Variants in RASSF5 observed in about 807,000 individuals in gnomAD.
RASSF5 encodes the protein Ras association domain family member 5, also known as ras association domain-containing protein 5.
A neutral mutation model predicts 40.5 loss-of-function variants in RASSF5; 25 were observed. That is an observed-to-expected ratio of 0.62 (90% confidence interval 0.45 to 0.86). The LOEUF is 0.86. Among genes scored for constraint, RASSF5 ranks in the 40% least tolerant of loss-of-function variants. The pLI, the probability that RASSF5 is intolerant of heterozygous loss-of-function variation, is 0.00. For missense variants in RASSF5, 521 were observed against 572.8 expected (o/e 0.91, Z 0.92); for synonymous variants, 246 against 252.4 (o/e 0.97, Z 0.24).
intron 2 of RASSF5, chr1:206,544,553 A>G (rs1447785348): frequency 6.6e-6 from 1 of 152,222 alleles, no homozygotes; most frequent in Non-Finnish European, 1.5e-5. Flanking sequence ...TATAAGGTTT[A>G]TGACTATTGT....
Position 206,552,286 on chromosome 1 carries a change from A to G in RASSF5, c.579+13993A>G, listed in dbSNP as rs1667862099. On this transcript the variant is annotated intron_variant, in intron 2 of 5. Transcript: ENST00000579436. The surrounding 1 kb of genome is among the most constrained non-coding windows in gnomAD (Gnocchi z 4.1). ...AAATTGCTACCCTAGGGATGGCAGC[A>G]TCTTAAGATTCAACCCAGATAGGAC... 3.3e-5 allele frequency among the ~76,000 whole-genome samples: 5 copies of G among 152,332 alleles called. No homozygotes were observed. In the South Asian group the frequency reaches 1.0e-3, roughly 32 times the overall value.
At chr1:206,511,940 G>T (rs1372888893) in intron 1 of RASSF5, among the ~76,000 whole-genome samples, 1 of 152,126 alleles carries the variant, frequency 6.6e-6, no homozygotes, top group Non-Finnish European at 1.5e-5. Flanking sequence ...GATTCTTTCT[G>T]TAGCAGAGAA....
chr1:206,524,038 T>C (rs1187944398), intron 1 of RASSF5, among the ~76,000 whole-genome samples: 2 of 120,114 alleles, frequency 1.7e-5, no homozygotes, highest in African/African-American at 6.3e-5. Context: ...CCATATATAA[T>C]ATATTTTATA....
At chr1:206,517,524 G>A (rs60865507) in intron 1 of RASSF5, among the ~76,000 whole-genome samples, 5,676 of 152,174 alleles carry the variant, frequency 0.037, 350 homozygotes, top group African/African-American at 0.13. Context: ...GCTGGTCCCC[G>A]CTGGTGGTTG....
chr1:206,559,811 C>T lies in RASSF5; in HGVS notation c.579+21518C>T, dbSNP rs782084075. On this transcript the variant is annotated intron_variant, in intron 2 of 5. Coordinates refer to ENST00000579436, the MANE Select transcript of RASSF5 (RefSeq NM_182663.4). ...AGGTCAGGGACAGTGTTCCTCAGCA[C>T]GAGGCTGGCCTTCAGCACAGAACTC... is the stretch of plus-strand genomic sequence containing the variant. Among the ~76,000 whole-genome samples the T allele has an allele frequency of 5.3e-5, 8 of 152,280 alleles. No homozygotes were observed. In the East Asian group the frequency reaches 9.7e-4, roughly 18 times the overall value.
intron 1 of RASSF5, among the ~76,000 whole-genome samples, chr1:206,532,360 A>G (rs1300811333): frequency 3.3e-5 from 5 of 152,166 alleles, no homozygotes; most frequent in Admixed American, 2.6e-4. Context: ...ACTGGCTACT[A>G]TGATTCCTGT....
At chr1:206,512,850 C>T (rs1247854676) in intron 1 of RASSF5, among the ~76,000 whole-genome samples, 2 of 152,206 alleles carry the variant, frequency 1.3e-5, no homozygotes, top group Non-Finnish European at 2.9e-5. Flanking sequence ...GTCAGTAGTG[C>T]CTTTTCTCTG....
At position 206,538,236 on chromosome 1, in the gene RASSF5, G is replaced by A. The variant is rs1027312389; in HGVS notation, c.522G>A (p.Glu174=). The A allele has an allele frequency of 5.6e-6, 9 of 1,614,094 alleles. No individual in the cohort carries two copies. Among genetic ancestry groups the A allele is most frequent in the Non-Finnish European group, 7.6e-6 (9 of 1,180,046 alleles). The change falls in exon 2 of 6, where the codon GAG becomes GAA. Residue 174 remains glutamate (E), a synonymous_variant. Transcript: ENST00000579436. ...SLIQLDCSQQ[E]GLSRDRPSPE... is the part of the protein sequence containing the mutation. ...TCCAGTTGGACTGCAGTCAGCAGGA[G>A]GGTTTATCCCGGGACAGACCCTCTC...
intron 2 of RASSF5, among the ~76,000 whole-genome samples, chr1:206,580,165 G>T (rs1368248738): frequency 3.3e-5 from 5 of 152,322 alleles, no homozygotes; most frequent in South Asian, 2.1e-4. Context: ...AGATAGATGG[G>T]TCTATCTGCT....
rs187488630 is a variant in RASSF5, at chr1:206,508,986, C to G, written c.457+927C>G. On this transcript the variant is annotated intron_variant, in intron 1 of 5. Coordinates refer to ENST00000579436, the MANE Select transcript of RASSF5 (RefSeq NM_182663.4). ...TTTAATAGGTGTCCACCCTCCACCC[C>G]CACCCCGGCATTTGCTCTTGCGTGT... Among the ~76,000 whole-genome samples the G allele has an allele frequency of 3.0e-3, 453 of 152,292 alleles. 2 individuals are homozygous for G. The highest frequency in any genetic ancestry group is 4.4e-3 in the Admixed American group (68 of 15,304).
intron 2 of RASSF5, among the ~76,000 whole-genome samples, chr1:206,575,226 G>A (rs1377636260): frequency 6.6e-6 from 1 of 152,156 alleles, no homozygotes; most frequent in African/African-American, 2.4e-5. Flanking sequence ...GGTGTTTGGG[G>A]TGTGGAAGGC....
At chr1:206,575,953 G>A (rs1277127200) in intron 2 of RASSF5, among the ~76,000 whole-genome samples, 1 of 152,192 alleles carries the variant, frequency 6.6e-6, no homozygotes, top group Non-Finnish European at 1.5e-5. Flanking sequence ...GGTCTGGGGT[G>A]GGCTCTGGCC....
At chr1:206,510,596 A>G (rs1666590751) in intron 1 of RASSF5, among the ~76,000 whole-genome samples, 1 of 152,038 alleles carries the variant, frequency 6.6e-6, no homozygotes, top group South Asian at 2.1e-4. Context: ...AGTGAGTACA[A>G]TTTGCGAACT....
intron 1 of RASSF5, among the ~76,000 whole-genome samples, chr1:206,520,188 A>G (rs1466404414): frequency 9.2e-5 from 14 of 152,204 alleles, no homozygotes; most frequent in African/African-American, 3.4e-4. Flanking sequence ...AATTGCCAAA[A>G]GAGGAGGGGA....
chr1:206,559,810 A>G (rs531022269), intron 2 of RASSF5, among the ~76,000 whole-genome samples: 1 of 152,284 alleles, frequency 6.6e-6, no homozygotes, highest in Admixed American at 6.5e-5. Context: ...GTTCCTCAGC[A>G]CGAGGCTGGC....
chr1:206,523,013 A>G (rs1427680977), intron 1 of RASSF5, among the ~76,000 whole-genome samples: 1 of 152,048 alleles, frequency 6.6e-6, no homozygotes, highest in Non-Finnish European at 1.5e-5. Context: ...TGCATGTATA[A>G]AAAAATATAT....
chr1:206,565,461 G>A (rs1668262407), intron 2 of RASSF5, among the ~76,000 whole-genome samples: 1 of 152,172 alleles, frequency 6.6e-6, no homozygotes, highest in South Asian at 2.1e-4. Flanking sequence ...GCAGCACCTG[G>A]CCTCAGTCAG....
intron 2 of RASSF5, among the ~76,000 whole-genome samples, chr1:206,568,822 C>G (rs1194761738): frequency 6.6e-6 from 1 of 152,212 alleles, no homozygotes; most frequent in Non-Finnish European, 1.5e-5. Flanking sequence ...TTAAACCATT[C>G]TTGTGCAGGA....
chr1:206,535,718 GTGTGTGTGTGTGT>G lies in RASSF5; in HGVS notation c.458-2453_458-2441del, dbSNP rs1667371279. On this transcript the variant is annotated intron_variant, in intron 1 of 5. Transcript: ENST00000579436. This position sits in a 1 kb window ranked among gnomAD's most constrained non-coding sequence, Gnocchi z 5.0. Reference sequence around the variant, plus strand: ...GTGTGTGTGTCTGTGTGTGTGTGGTGTGTGTGTGTGTGTGTGTGTGTGTGTGAGAGAGAGAGAG... The same window carrying G: ...GTGTGTGTGTCTGTGTGTGTGTGGTGGTGTGTGTGTGTGAGAGAGAGAGAG... Among the ~76,000 whole-genome samples, 2 of 114,118 alleles carry G rather than the reference GTGTGTGTGTGTGT, an allele frequency of 1.8e-5. No individual in the cohort carries two copies. Among genetic ancestry groups the G allele is most frequent in the East Asian group, 4.3e-4 (2 of 4,696 alleles). The allele number at this position is 114,118 out of a possible 152,430, so 74.9% of individuals were successfully genotyped here. A position where few individuals can be genotyped will look rare whatever the true frequency, so the allele number is the denominator to read the frequency against.
Sources: allele counts gnomAD v4.1 joint callset (sites outside exome capture counted in the v4.1 genomes callset), GRCh38; gene constraint gnomAD v4.1.1; non-coding constraint Gnocchi (gnomAD v3.1); transcripts MANE v1.5; gene names NCBI Gene and HGNC (gene_info 2026-07-23, HGNC 2026-07-21).